The following SPTB variants were observed in gnomAD, a reference collection of about 807,000 sequenced individuals.
SPTB encodes the protein spectrin beta, erythrocytic.
SPTB carries 45 observed loss-of-function variants against 256.2 expected under a neutral mutation model. The ratio of observed to expected loss-of-function variants is 0.18; its 90% confidence interval spans 0.14 to 0.23. The LOEUF is 0.23. Among genes scored for constraint, SPTB ranks in the 10% least tolerant of loss-of-function variants. The pLI is 1.00. For synonymous variants in SPTB, 1,231 were observed against 1,243.1 expected (o/e 0.99, Z 0.21); for missense variants, 2,715 against 3,040.4 (o/e 0.89, Z 2.52).
Position 64,878,462 on chromosome 14 carries a change from A to G in SPTB, c.-52+1330T>C, listed in dbSNP as rs532976634. Among the ~76,000 whole-genome samples, 7 of 152,344 alleles carry G rather than the reference A, an allele frequency of 4.6e-5. No homozygotes were observed. In the South Asian group the frequency reaches 1.5e-3, roughly 32 times the overall value. On this transcript the variant is annotated intron_variant, in intron 1 of 35. Transcript: ENST00000644917. ...ACTCAGAGCAAAAGAATAAAAGCTG[A>G]ATCCTAAAATAAGAAATGACCTGCC...
chr14:64,838,535 A>T (rs1043483440), intron 1 of SPTB, among the ~76,000 whole-genome samples: 2 of 152,160 alleles, frequency 1.3e-5, no homozygotes, highest in Non-Finnish European at 2.9e-5. Context: ...AAAACTCAAA[A>T]CTCATCAATA....
At position 64,847,123 on chromosome 14, in the gene SPTB, T is replaced by G. The variant is rs1216895595; in HGVS notation, c.-51-23978A>C. 1.3e-5 allele frequency among the ~76,000 whole-genome samples: 2 copies of G among 152,210 alleles called. No individual in the cohort carries two copies. The highest frequency in any genetic ancestry group is 2.9e-5 in the Non-Finnish European group (2 of 68,034). ...TGATTTCCTCAGTTGTTCACTGGCA[T>G]AGAAGCCTCAAGCCCAGTCGGCTCT... On this transcript the variant is annotated intron_variant, in intron 1 of 35. Transcript: ENST00000644917. The surrounding 1 kb of genome is among the most constrained non-coding windows in gnomAD (Gnocchi z 5.9).
intron 27 of SPTB, 97 bp downstream of exon 27, chr14:64,770,788 T>C: frequency 1.9e-6 from 3 of 1,566,228 alleles, no homozygotes; most frequent in Middle Eastern, 1.9e-4. Flanking sequence ...AGTCCAGGAC[T>C]GTCCCTTCAC....
In SPTB at chr14:64,774,483, C is replaced by T. The variant is rs2082327713; in HGVS notation, c.4887G>A (p.Gln1629=). The change falls in exon 24 of 36, where the codon CAG becomes CAA. Residue 1629 remains glutamine (Q), a synonymous_variant. Coordinates refer to ENST00000644917, the MANE Select transcript of SPTB (RefSeq NM_001355436.2). ...GGCCGTAGTCCTCCACCGCACGCTG[C>T]TGCCGCAAATGTCGCTTCAGCATCA... ...AIVMLKRHLR[Q]QRAVEDYGRN... is the part of the protein sequence containing the mutation. 2 of 1,556,236 alleles carry T rather than the reference C, an allele frequency of 1.3e-6. No individual in the cohort carries two copies. Among genetic ancestry groups the T allele is most frequent in the East Asian group, 2.4e-5 (1 of 41,382 alleles).
chr14:64,796,463 C>T lies in SPTB; in HGVS notation c.1341+94G>A, dbSNP rs752505427. 6.4e-7 allele frequency: 1 copy of T among 1,560,650 alleles called. No individual in the cohort carries two copies. Among genetic ancestry groups the T allele is most frequent in the Non-Finnish European group, 8.8e-7 (1 of 1,136,866 alleles). ...CTGTGCTGCAAGGCACGAGGAGAGG[C>T]TGTGAGAAGCCAGCTTGGACTCCAG... is the stretch of plus-strand genomic sequence containing the variant. On this transcript the variant is annotated intron_variant, in intron 11 of 35. Transcript: ENST00000644917. The surrounding 1 kb of genome is among the most constrained non-coding windows in gnomAD (Gnocchi z 4.1).
rs1402089604 is a variant in SPTB at position 64,796,718 on chromosome 14, G to A, written c.1183-3C>T. 4 of 1,614,166 alleles carry A rather than the reference G, an allele frequency of 2.5e-6. No individual in the cohort carries two copies. The South Asian group carries it at 4.4e-5, about 18-fold the overall frequency. On this transcript the variant is annotated splice_polypyrimidine_tract_variant and splice_region_variant and intron_variant, in intron 10 of 35. Transcript: ENST00000644917. This position sits in a 1 kb window ranked among gnomAD's most constrained non-coding sequence, Gnocchi z 4.1. The stretch of plus-strand genomic sequence containing the variant: ...GCTTCCTCCAGGCTTTCCCAGGCCT[G>A]CACAAAGGATGGAATGAGAATTCTT...
At chr14:64,837,904 G>A (rs184204244) in intron 1 of SPTB, among the ~76,000 whole-genome samples, 129 of 152,202 alleles carry the variant, frequency 8.5e-4, no homozygotes, top group Non-Finnish European at 1.0e-3. Context: ...GAGCCACCGC[G>A]CGTGGCCAAC....
At position 64,833,860 on chromosome 14, in the gene SPTB, G is replaced by A. The variant is rs536387200; in HGVS notation, c.-51-10715C>T. Among the ~76,000 whole-genome samples the A allele has an allele frequency of 7.1e-4, 108 of 152,172 alleles. 1 individual carries two copies. The highest frequency in any genetic ancestry group is 2.5e-3 in the African/African-American group (102 of 41,520). On this transcript the variant is annotated intron_variant, in intron 1 of 35. Transcript: ENST00000644917. ...AAATGCAGAGTGCTGCTCCTTAAGA[G>A]GATAAAAGCAGTTCCCACCGAGGAC... is the stretch of plus-strand genomic sequence containing the variant.
Position 64,749,195 on chromosome 14 carries a change from GCGACT to G in SPTB, c.*106_*110del, listed in dbSNP as rs985398481. The G allele has an allele frequency of 2.2e-5, 30 of 1,357,262 alleles. No homozygotes were observed. In the African/African-American group the frequency reaches 3.9e-4, roughly 18 times the overall value. 84.1% of individuals were successfully genotyped at this position (1,357,262 alleles called of 1,614,324 possible). A position where few individuals can be genotyped will look rare whatever the true frequency, so the allele number is the denominator to read the frequency against. The stretch of plus-strand genomic sequence containing the variant: ...AGCGTGGGGCCCGGGGGCCCGGCCC[GCGACT>G]CGACTCATCTCGATTCGACCGGCGG... On this transcript the variant is annotated 3_prime_UTR_variant, in exon 36 of 36. Transcript: ENST00000644917. The surrounding 1 kb of genome is among the most constrained non-coding windows in gnomAD (Gnocchi z 4.7).
chr14:64,792,757 A>C lies in SPTB; in HGVS notation c.2666+240T>G, dbSNP rs1566763464. 1.3e-5 allele frequency among the ~76,000 whole-genome samples: 2 copies of C among 152,202 alleles called. No homozygotes were observed. Among genetic ancestry groups the C allele is most frequent in the South Asian group, 4.1e-4 (2 of 4,830 alleles). ...ACTGCTATTGCTGAAAAGTAATTGA[A>C]TAACTGGACTAGATAAATTCCCTTT... is the stretch of plus-strand genomic sequence containing the variant. On this transcript the variant is annotated intron_variant, in intron 14 of 35. Coordinates refer to ENST00000644917, the MANE Select transcript of SPTB (RefSeq NM_001355436.2). The surrounding 1 kb of genome is among the most constrained non-coding windows in gnomAD (Gnocchi z 4.2).
Position 64,795,078 on chromosome 14 carries a change from G to A in SPTB, c.1644+259C>T, listed in dbSNP as rs1224312964. On this transcript the variant is annotated intron_variant, in intron 12 of 35. Transcript: ENST00000644917. The surrounding 1 kb of genome is among the most constrained non-coding windows in gnomAD (Gnocchi z 6.5). ...TGTCTCTTCAAGGCCCTGAAGGTTG[G>A]CACCGGTGCTGCCACAAACCCAAGA... 2.0e-5 allele frequency among the ~76,000 whole-genome samples: 3 copies of A among 152,176 alleles called. No homozygotes were observed. The highest frequency in any genetic ancestry group is 7.2e-5 in the African/African-American group (3 of 41,436).
intron 1 of SPTB, among the ~76,000 whole-genome samples, chr14:64,865,005 T>C (rs1340851905): frequency 6.6e-6 from 1 of 152,164 alleles, no homozygotes. Flanking sequence ...CAGGGACAAT[T>C]TCCATTAGAT....
intron 1 of SPTB, among the ~76,000 whole-genome samples, chr14:64,875,766 T>TA (rs1228874608): frequency 6.6e-6 from 1 of 152,232 alleles, no homozygotes; most frequent in East Asian, 1.9e-4. Context: ...ATCCATATGG[T>TA]TTCAGAACCC....
chr14:64,849,239 C>T (rs1210740461), intron 1 of SPTB, among the ~76,000 whole-genome samples: 1 of 152,098 alleles, frequency 6.6e-6, no homozygotes, highest in African/African-American at 2.4e-5. Context: ...AACACATATC[C>T]TCAATTGGCT....
intron 1 of SPTB, among the ~76,000 whole-genome samples, chr14:64,872,543 C>T (rs1882591351): frequency 6.6e-6 from 1 of 152,216 alleles, no homozygotes; most frequent in Admixed American, 6.5e-5. Context: ...CCTGCACCAT[C>T]AAGACCCGCT....
chr14:64,799,422 A>T (rs917807385), intron 9 of SPTB, among the ~76,000 whole-genome samples: 1 of 152,240 alleles, frequency 6.6e-6, no homozygotes, highest in Non-Finnish European at 1.5e-5. Context: ...TCAGTGGCAG[A>T]CCAGAGAGGA....
At chr14:64,766,146 G>A (rs960956040) in intron 32 of SPTB, among the ~76,000 whole-genome samples, 1 of 148,842 alleles carries the variant, frequency 6.7e-6, no homozygotes. Flanking sequence ...CATGTGGGTG[G>A]GTGTGGTGTG....
rs150545103 is a variant in SPTB, at chr14:64,866,364, C to T, written c.-52+13428G>A. ...GGTCTTCAGTTGTCTTGGCCAAGCC[C>T]GTTCCTCTGTCTCGCTGCCCTCAGG... On this transcript the variant is annotated intron_variant, in intron 1 of 35. Coordinates refer to ENST00000644917, the MANE Select transcript of SPTB (RefSeq NM_001355436.2). The surrounding 1 kb of genome is among the most constrained non-coding windows in gnomAD (Gnocchi z 4.6). Among the ~76,000 whole-genome samples, 10 of 152,140 alleles carry T rather than the reference C, an allele frequency of 6.6e-5. No homozygotes were observed. Among genetic ancestry groups the T allele is most frequent in the South Asian group, 2.1e-4 (1 of 4,832 alleles).
At chr14:64,855,086 G>C (rs1287481460) in intron 1 of SPTB, among the ~76,000 whole-genome samples, 5 of 152,186 alleles carry the variant, frequency 3.3e-5, no homozygotes, top group Non-Finnish European at 7.3e-5. Context: ...GAGACACCTG[G>C]AACCACTTGG....
Sources: allele counts gnomAD v4.1 joint callset (sites outside exome capture counted in the v4.1 genomes callset), GRCh38; gene constraint gnomAD v4.1.1; non-coding constraint Gnocchi (gnomAD v3.1); transcripts MANE v1.5; gene names NCBI Gene and HGNC (gene_info 2026-07-23, HGNC 2026-07-21).